CHCHD6: variants seen among roughly 807,000 people sequenced by gnomAD.
CHCHD6 encodes coiled-coil-helix-coiled-coil-helix domain containing 6.
In CHCHD6, 28 loss-of-function variants were observed where a neutral mutation model predicts 32.3. That is an observed-to-expected ratio of 0.87 (90% CI 0.64 to 1.19). The LOEUF (loss-of-function observed/expected upper bound fraction) is 1.19. Among genes scored for constraint, CHCHD6 ranks in the 50% most tolerant of loss-of-function variants. The pLI is 0.00. For missense variants in CHCHD6, 333 were observed against 307.0 expected (o/e 1.08, Z -0.63); for synonymous variants, 122 against 117.5 (o/e 1.04, Z -0.25).
chr3:126,760,522 A>G lies in CHCHD6; in HGVS notation c.411+27300A>G, dbSNP rs141927428. On this transcript the variant is annotated intron_variant, in intron 4 of 7. Transcript: ENST00000290913. ...CTTTCCCATATCTTTGGTCCTGTCA[A>G]CTACTCCATTCTACTCTGTCTCTAT... Among the ~76,000 whole-genome samples, 264 of 152,298 alleles carry G rather than the reference A, an allele frequency of 1.7e-3. 1 individual carries two copies. Among genetic ancestry groups the G allele is most frequent in the African/African-American group, 6.1e-3 (253 of 41,552 alleles).
chr3:126,815,168 AAC>A (rs1939826232), intron 4 of CHCHD6, among the ~76,000 whole-genome samples: 1 of 152,152 alleles, frequency 6.6e-6, no homozygotes, highest in Non-Finnish European at 1.5e-5. Context: ...CTCTGGAGAA[AAC>A]ACAGAAACAA....
chr3:126,878,572 A>T (rs2077569030), intron 5 of CHCHD6, among the ~76,000 whole-genome samples: 1 of 152,250 alleles, frequency 6.6e-6, no homozygotes, highest in South Asian at 2.1e-4. Flanking sequence ...TATAAAACAT[A>T]TGGAAGTATG....
At chr3:126,957,296 C>A (rs1310486247) in intron 6 of CHCHD6, 120 bp from the exon 7 acceptor site, 13 of 1,103,902 alleles carry the variant, frequency 1.2e-5, no homozygotes, top group Non-Finnish European at 1.7e-5. Context: ...TAAAAGGATG[C>A]TGCTGGGTGT....
chr3:126,959,326 C>T (rs6777746), intron 7 of CHCHD6, among the ~76,000 whole-genome samples: 129,477 of 152,256 alleles, frequency 0.85, 55,260 homozygotes, highest in East Asian at 0.99. Context: ...GCTCTCCCCA[C>T]GTGCTGCCTT....
chr3:126,808,681 A>AT (rs1483222268), intron 4 of CHCHD6, among the ~76,000 whole-genome samples: 1 of 152,120 alleles, frequency 6.6e-6, no homozygotes, highest in East Asian at 1.9e-4. Flanking sequence ...CCATTTAAAG[A>AT]TTTTTTAAGA....
At chr3:126,747,169 C>T (rs1219881653) in intron 4 of CHCHD6, among the ~76,000 whole-genome samples, 1 of 152,144 alleles carries the variant, frequency 6.6e-6, no homozygotes, top group Non-Finnish European at 1.5e-5. Flanking sequence ...TTCTCCCTCT[C>T]GGGAGCTGCT....
intron 4 of CHCHD6, among the ~76,000 whole-genome samples, chr3:126,798,150 A>G (rs1938885431): frequency 6.6e-6 from 1 of 152,024 alleles, no homozygotes; most frequent in Non-Finnish European, 1.5e-5. Flanking sequence ...CTGCGGGGGG[A>G]TGAGCGCAGC....
chr3:126,727,312 G>T, intron 2 of CHCHD6, 126 bp downstream of exon 2: 1 of 559,006 alleles, frequency 1.8e-6, no homozygotes, highest in Non-Finnish European at 3.2e-6. Context: ...AAGCAGCTCT[G>T]TCTGGTAAGG....
chr3:126,950,534 C>T (rs73193162), intron 6 of CHCHD6, among the ~76,000 whole-genome samples: 2,036 of 152,332 alleles, frequency 0.013, 19 homozygotes, highest in African/African-American at 0.024. Flanking sequence ...TCACTGCACA[C>T]CTGCCTCCTG....
At chr3:126,854,357 T>TA (rs777162185) in intron 5 of CHCHD6, among the ~76,000 whole-genome samples, 1,639 of 145,382 alleles carry the variant, frequency 0.011, 17 homozygotes, top group Non-Finnish European at 0.013. Flanking sequence ...CTGGTGATAA[T>TA]AAAAAAAAAA....
chr3:126,789,270 GT>G (rs1938395652), intron 4 of CHCHD6, among the ~76,000 whole-genome samples: 1 of 152,092 alleles, frequency 6.6e-6, no homozygotes, highest in Non-Finnish European at 1.5e-5. Flanking sequence ...AATAAGTGCG[GT>G]GTGGTGCTGA....
chr3:126,828,906 T>A (rs1036348395), intron 4 of CHCHD6, among the ~76,000 whole-genome samples: 1 of 152,210 alleles, frequency 6.6e-6, no homozygotes, highest in African/African-American at 2.4e-5. Flanking sequence ...TTTATAAATT[T>A]TGTTGATCTT....
At position 126,904,356 on chromosome 3, in the gene CHCHD6, G is replaced by A. The variant is rs372351290; in HGVS notation, c.496-10324G>A. 5.9e-5 allele frequency among the ~76,000 whole-genome samples: 9 copies of A among 152,216 alleles called. No individual in the cohort carries two copies. In the East Asian group the frequency reaches 9.7e-4, roughly 16 times the overall value. ...CCTGTCAAGGTCCACCATAGAGGTGGGTCATTCCCACCCAAACACTTGTCT... is the reference window on the plus strand; with the variant it reads ...CCTGTCAAGGTCCACCATAGAGGTGAGTCATTCCCACCCAAACACTTGTCT... On this transcript the variant is annotated intron_variant, in intron 5 of 7. Coordinates refer to ENST00000290913, the MANE Select transcript of CHCHD6 (RefSeq NM_032343.3).
intron 5 of CHCHD6, among the ~76,000 whole-genome samples, chr3:126,858,320 T>C (rs868262603): frequency 8.0e-5 from 4 of 50,192 alleles, no homozygotes; most frequent in Non-Finnish European, 1.6e-4. Flanking sequence ...GGGGGAGGGG[T>C]GGGTAAGGCT....
intron 6 of CHCHD6, among the ~76,000 whole-genome samples, chr3:126,939,994 C>T (rs1270617352): frequency 6.6e-6 from 1 of 152,132 alleles, no homozygotes. Flanking sequence ...TCCTAGAAAT[C>T]TACAGTATGT....
chr3:126,735,356 A>G (rs934227637), intron 4 of CHCHD6, among the ~76,000 whole-genome samples: 68 of 152,350 alleles, frequency 4.5e-4, no homozygotes, highest in African/African-American at 1.5e-3. Flanking sequence ...CTCTAGATGG[A>G]TAATAATCCC....
chr3:126,860,564 G>C lies in CHCHD6; in HGVS notation c.495+7834G>C, dbSNP rs142354132. Among the ~76,000 whole-genome samples, 1,242 of 152,262 alleles carry C rather than the reference G, an allele frequency of 8.2e-3. 10 individuals carry two copies. Among genetic ancestry groups the C allele is most frequent in the Middle Eastern group, 0.017 (5 of 294 alleles). ...TACATATGTAACAAACCTGCATGTT[G>C]TGCACATATACCCTAGAACTTAAAG... On this transcript the variant is annotated intron_variant, in intron 5 of 7. Transcript: ENST00000290913.
chr3:126,811,021 T>C (rs1358244014), intron 4 of CHCHD6, among the ~76,000 whole-genome samples: 2 of 152,146 alleles, frequency 1.3e-5, no homozygotes, highest in Admixed American at 1.3e-4. Context: ...ATGGGATGTG[T>C]CTGTAAAATG....
At chr3:126,841,573 T>TG (rs1201628603) in intron 4 of CHCHD6, among the ~76,000 whole-genome samples, 1 of 152,168 alleles carries the variant, frequency 6.6e-6, no homozygotes, top group Non-Finnish European at 1.5e-5. Context: ...CCATCATTTA[T>TG]CTTTCCATAA....
Sources: gnomAD v4.1 joint callset for allele counts (sites outside exome capture counted in the v4.1 genomes callset) on GRCh38, gnomAD v4.1.1 for gene constraint, MANE v1.5 for transcripts, NCBI Gene and HGNC (gene_info 2026-07-23, HGNC 2026-07-21) for gene names.